Variants in FBXW7 observed in about 807,000 individuals in gnomAD.
FBXW7 encodes the protein F-box/WD repeat-containing protein 7.
A neutral mutation model predicts 86.3 loss-of-function variants in FBXW7; 11 were observed. The observed-to-expected ratio is 0.13, with a 90% CI of 0.08 to 0.21. The LOEUF (loss-of-function observed/expected upper bound fraction) is 0.21, where lower values mean the gene tolerates loss of function less well. Ranked by LOEUF, FBXW7 falls within the 10% of genes least tolerant of loss-of-function variation. The pLI is 1.00. For missense variants in FBXW7, 488 were observed against 847.4 expected (o/e 0.58, Z 5.27); for synonymous variants, 313 against 297.9 (o/e 1.05, Z -0.52).
rs1283362504 is a variant in FBXW7 at position 152,465,393 on chromosome 4, T to C, written c.-119-52864A>G. On this transcript the variant is annotated intron_variant, in intron 2 of 13. Coordinates refer to ENST00000281708, the MANE Select transcript of FBXW7 (RefSeq NM_001349798.2). ...ATCCTCTTAATTACCACATTTGATA[T>C]AAACAATTGGAGGTAGCTCTCAATT... Among the ~76,000 whole-genome samples, 3 of 152,190 alleles carry C rather than the reference T, an allele frequency of 2.0e-5. No individual in the cohort carries two copies. In the East Asian group the frequency reaches 5.8e-4, roughly 29 times the overall value.
At chr4:152,440,120 TA>T (rs1740754310) in intron 2 of FBXW7, among the ~76,000 whole-genome samples, 1 of 152,184 alleles carries the variant, frequency 6.6e-6, no homozygotes. Context: ...ATACAGACTG[TA>T]ATAGCATAGG....
intron 2 of FBXW7, among the ~76,000 whole-genome samples, chr4:152,498,098 G>C (rs74425089): frequency 0.014 from 2,088 of 152,272 alleles, 25 homozygotes; most frequent in Middle Eastern, 0.037. Flanking sequence ...GAGGCAAAAG[G>C]TTAATATCTG....
At chr4:152,453,011 C>T (rs543560140) in intron 2 of FBXW7, among the ~76,000 whole-genome samples, 4 of 152,080 alleles carry the variant, frequency 2.6e-5, no homozygotes, top group Non-Finnish European at 4.4e-5. Flanking sequence ...GTGAAACCCC[C>T]GTCTCAACTA....
intron 4 of FBXW7, among the ~76,000 whole-genome samples, chr4:152,395,529 A>C (rs960715831): frequency 1.3e-5 from 2 of 152,012 alleles, no homozygotes; most frequent in African/African-American, 4.8e-5. Context: ...TCCTTGTGGA[A>C]GTTGGATACT....
At chr4:152,501,773 T>C (rs1746975999) in intron 2 of FBXW7, among the ~76,000 whole-genome samples, 1 of 152,190 alleles carries the variant, frequency 6.6e-6, no homozygotes, top group African/African-American at 2.4e-5. Context: ...TTACTCTCTT[T>C]TTTTGGTTTT....
chr4:152,524,783 G>A, intron 2 of FBXW7, among the ~76,000 whole-genome samples: 1 of 151,976 alleles, frequency 6.6e-6, no homozygotes, highest in East Asian at 1.9e-4. Context: ...CTGTCTAAAT[G>A]TCTAAATCTG....
chr4:152,463,429 C>T (rs902943497), intron 2 of FBXW7, among the ~76,000 whole-genome samples: 4 of 152,058 alleles, frequency 2.6e-5, no homozygotes, highest in African/African-American at 7.2e-5. Context: ...CATCTGCAGA[C>T]AAAAATGTCA....
intron 4 of FBXW7, chr4:152,382,498 T>C: frequency 2.5e-6 from 3 of 1,194,368 alleles, no homozygotes; most frequent in African/African-American, 1.6e-5. Context: ...CCCTACCAAA[T>C]GTCCTGACCT....
intron 2 of FBXW7, among the ~76,000 whole-genome samples, chr4:152,518,883 T>C (rs1422486367): frequency 2.0e-5 from 3 of 152,182 alleles, no homozygotes; most frequent in Non-Finnish European, 4.4e-5. Context: ...TAATTAAATA[T>C]GAAATATCTA....
chr4:152,366,590 C>T (rs980428278), intron 4 of FBXW7, among the ~76,000 whole-genome samples: 4 of 152,154 alleles, frequency 2.6e-5, no homozygotes, highest in African/African-American at 9.7e-5. Context: ...GATACCATCT[C>T]ACACCAGTTA....
chr4:152,504,928 A>C (rs2149705730), intron 2 of FBXW7, among the ~76,000 whole-genome samples: 1 of 152,332 alleles, frequency 6.6e-6, no homozygotes, highest in Non-Finnish European at 1.5e-5. Context: ...AATTTTTAAA[A>C]TAACATGTGT....
chr4:152,421,493 T>C (rs4696321), intron 2 of FBXW7, among the ~76,000 whole-genome samples: 57,985 of 151,618 alleles, frequency 0.38, 11,872 homozygotes, highest in African/African-American at 0.53. Context: ...AGGTCAGGAG[T>C]TCAAGAACAG....
At chr4:152,487,252 G>A (rs1033947885) in intron 2 of FBXW7, among the ~76,000 whole-genome samples, 9 of 152,014 alleles carry the variant, frequency 5.9e-5, no homozygotes, top group African/African-American at 2.2e-4. Flanking sequence ...CAGTCTCAAG[G>A]CATTACCCCA....
chr4:152,430,087 T>G (rs1479842671), intron 2 of FBXW7, among the ~76,000 whole-genome samples: 16 of 152,200 alleles, frequency 1.1e-4, no homozygotes, highest in Admixed American at 1.0e-3. Context: ...TTTCAGAAAC[T>G]TGAAGATCTA....
intron 2 of FBXW7, among the ~76,000 whole-genome samples, chr4:152,472,861 G>A (rs1470101174): frequency 6.6e-6 from 1 of 151,944 alleles, no homozygotes; most frequent in Non-Finnish European, 1.5e-5. Flanking sequence ...TAAAAAATCT[G>A]AATCTCCTAA....
intron 2 of FBXW7, among the ~76,000 whole-genome samples, chr4:152,521,702 A>T (rs1338928989): frequency 3.9e-5 from 6 of 152,126 alleles, no homozygotes; most frequent in Non-Finnish European, 7.4e-5. Flanking sequence ...AAGGGATCCC[A>T]AAGGGATCCC....
chr4:152,513,845 A>G (rs1369697173), intron 2 of FBXW7, among the ~76,000 whole-genome samples: 1 of 152,264 alleles, frequency 6.6e-6, no homozygotes, highest in Non-Finnish European at 1.5e-5. Flanking sequence ...TGGAGTCCAC[A>G]TGCTATTGTC....
chr4:152,516,014 A>C (rs1327184984), intron 2 of FBXW7, among the ~76,000 whole-genome samples: 3 of 152,176 alleles, frequency 2.0e-5, no homozygotes, highest in African/African-American at 4.8e-5. Flanking sequence ...GATCTACAAG[A>C]ACAAGGAATT....
chr4:152,392,443 G>A (rs926669945), intron 4 of FBXW7, among the ~76,000 whole-genome samples: 6 of 152,036 alleles, frequency 3.9e-5, no homozygotes, highest in East Asian at 1.9e-4. Context: ...TAAAAAGACC[G>A]TATTATATAG....
Sources: gnomAD v4.1 joint callset for allele counts (sites outside exome capture counted in the v4.1 genomes callset) on GRCh38, gnomAD v4.1.1 for gene constraint, MANE v1.5 for transcripts, NCBI Gene and HGNC (gene_info 2026-07-23, HGNC 2026-07-21) for gene names.